The following CCDC7 variants were observed in gnomAD, a reference collection of about 807,000 sequenced individuals.
CCDC7 encodes coiled-coil domain containing 7, also known as coiled-coil domain-containing protein 7.
Under a neutral mutation model 196.9 loss-of-function variants are expected in CCDC7, and 183 were observed. The ratio of observed to expected loss-of-function variants is 0.93; its 90% CI spans 0.82 to 1.05. The LOEUF is 1.05. Among genes scored for constraint, CCDC7 ranks in the 50% least tolerant of loss-of-function variants. The pLI, the probability that CCDC7 is intolerant of heterozygous loss-of-function variation, is 0.00. For missense variants in CCDC7, 1,540 were observed against 1,482.2 expected (o/e 1.04, Z -0.64); for synonymous variants, 525 against 484.6 (o/e 1.08, Z -1.10).
intron 31 of CCDC7, among the ~76,000 whole-genome samples, chr10:32,822,529 T>A (rs2090432016): frequency 6.6e-6 from 1 of 152,072 alleles, no homozygotes; most frequent in Non-Finnish European, 1.5e-5. Flanking sequence ...AGGCATAAAG[T>A]TATACAAAGA....
At position 32,814,381 on chromosome 10, in the gene CCDC7, G is replaced by C. The variant is rs753643900; in HGVS notation, c.3109G>C (p.Glu1037Gln). Reference sequence around the variant, plus strand: ...GTTTATTTCTATAGGGCCTGATATAGAACAATTGACAGATGCATTTGGAAG... The same window carrying C: ...GTTTATTTCTATAGGGCCTGATATACAACAATTGACAGATGCATTTGGAAG... The change falls in exon 31 of 42, where the codon GAA becomes CAA. Residue 1037 changes from glutamate to glutamine, a missense_variant. Coordinates refer to ENST00000639629, the Ensembl canonical transcript of CCDC7. 7.5e-6 allele frequency: 12 copies of C among 1,606,990 alleles called. No individual in the cohort carries two copies. In the African/African-American group the frequency reaches 1.3e-4, roughly 18 times the overall value.
chr10:32,585,836 C>A (rs1199826634), intron 18 of CCDC7, among the ~76,000 whole-genome samples: 1 of 152,158 alleles, frequency 6.6e-6, no homozygotes, highest in East Asian at 1.9e-4. Context: ...AGTAAACATA[C>A]ATGTGCATGT....
chr10:32,519,395 G>A (rs1473636123), intron 11 of CCDC7, among the ~76,000 whole-genome samples: 1 of 152,130 alleles, frequency 6.6e-6, no homozygotes, highest in East Asian at 1.9e-4. Flanking sequence ...TGTTGCAGCA[G>A]TTTCTGGTTT....
chr10:32,452,943 A>C (rs1415548516), intron 1 of CCDC7, among the ~76,000 whole-genome samples: 1 of 152,228 alleles, frequency 6.6e-6, no homozygotes, highest in Non-Finnish European at 1.5e-5. Context: ...GTTAGGCCAG[A>C]TAATTTTCTT....
chr10:32,543,489 T>C, intron 12 of CCDC7, 104 bp downstream of exon 13: 3 of 1,065,710 alleles, frequency 2.8e-6, no homozygotes, highest in Non-Finnish European at 3.7e-6. Context: ...TGAATAATCT[T>C]TTAAAAACAT....
chr10:32,761,906 G>A (rs1295180619), intron 28 of CCDC7, among the ~76,000 whole-genome samples: 4 of 151,950 alleles, frequency 2.6e-5, no homozygotes, highest in African/African-American at 9.7e-5. Context: ...TGGTGGAATA[G>A]GAGGTTCCTT....
At chr10:32,509,170 A>T (rs1326695299) in intron 9 of CCDC7, among the ~76,000 whole-genome samples, 1 of 152,144 alleles carries the variant, frequency 6.6e-6, no homozygotes, top group African/African-American at 2.4e-5. Flanking sequence ...TTTTAAAGCT[A>T]CAGTAATTAA....
intron 8 of CCDC7, among the ~76,000 whole-genome samples, chr10:32,488,863 T>A (rs1447177360): frequency 6.6e-6 from 1 of 152,170 alleles, no homozygotes; most frequent in East Asian, 1.9e-4. Flanking sequence ...TCTTCACCTA[T>A]GGGTGGTTGT....
intron 16 of CCDC7, among the ~76,000 whole-genome samples, chr10:32,573,676 G>C (rs1416011617): frequency 6.6e-6 from 1 of 152,086 alleles, no homozygotes; most frequent in Non-Finnish European, 1.5e-5. Context: ...AGTACATCAA[G>C]ATTAAAAAAA....
chr10:32,764,712 G>T (rs2078001959), intron 28 of CCDC7, among the ~76,000 whole-genome samples: 1 of 152,022 alleles, frequency 6.6e-6, no homozygotes, highest in Non-Finnish European at 1.5e-5. Flanking sequence ...ACAACTGTGA[G>T]AAATGTGAAG....
At chr10:32,649,639 C>G (rs1324978094) in intron 20 of CCDC7, among the ~76,000 whole-genome samples, 1 of 152,210 alleles carries the variant, frequency 6.6e-6, no homozygotes, top group Non-Finnish European at 1.5e-5. Context: ...TCTCCTCTCT[C>G]AGGAATGCCA....
chr10:32,497,490 T>C (rs1468767265), intron 9 of CCDC7, among the ~76,000 whole-genome samples: 5 of 152,196 alleles, frequency 3.3e-5, no homozygotes, highest in African/African-American at 1.2e-4. Context: ...TGTTAGGGTG[T>C]TGGTTTTAGA....
At chr10:32,746,476 G>A (rs116957669) in intron 28 of CCDC7, among the ~76,000 whole-genome samples, 5,892 of 152,234 alleles carry the variant, frequency 0.039, 122 homozygotes, top group Middle Eastern at 0.051. Flanking sequence ...CATGGCCAGC[G>A]ATGCCCATCC....
In CCDC7 at chr10:32,517,034, TG is replaced by T. The variant is rs2047130790; in HGVS notation, c.873-910del. ...AAAATAATCTATGGTCTATCCATAC[TG>T]TGGAACAATGTCACCAAACTGTGTC... On this transcript the variant is annotated intron_variant, in intron 9 of 41. Coordinates refer to ENST00000639629, the Ensembl canonical transcript of CCDC7. Among the ~76,000 whole-genome samples the T allele has an allele frequency of 1.3e-5, 2 of 152,222 alleles. 1 individual carries two copies. Among genetic ancestry groups the T allele is most frequent in the South Asian group, 4.1e-4 (2 of 4,836 alleles).
intron 29 of CCDC7, among the ~76,000 whole-genome samples, chr10:32,794,235 T>C (rs2083183694): frequency 6.6e-6 from 1 of 152,184 alleles, no homozygotes; most frequent in Admixed American, 6.5e-5. Context: ...TGCATCTATG[T>C]TGCTGCAAAG....
At chr10:32,445,972 A>G (rs2030812496), upstream of CCDC7, among the ~76,000 whole-genome samples, 3 of 152,208 alleles carry the variant, frequency 2.0e-5, no homozygotes, top group Admixed American at 2.0e-4. Flanking sequence ...AGAGAATAAG[A>G]AAGGAGGAGG....
At chr10:32,648,566 C>G (rs1334885512) in intron 20 of CCDC7, among the ~76,000 whole-genome samples, 1 of 152,158 alleles carries the variant, frequency 6.6e-6, no homozygotes, top group East Asian at 1.9e-4. Flanking sequence ...ATTTCTGCCT[C>G]TAGGTCTTTG....
intron 11 of CCDC7, among the ~76,000 whole-genome samples, chr10:32,526,568 A>G (rs190690224): frequency 6.6e-6 from 1 of 152,104 alleles, no homozygotes; most frequent in East Asian, 1.9e-4. Context: ...CCCACAGTGT[A>G]CTCTGTGCAT....
chr10:32,876,207 A>G (rs2094592906), intron 41 of CCDC7, 140 bp from the exon 43 acceptor site: 2 of 597,238 alleles, frequency 3.3e-6, no homozygotes, highest in African/African-American at 3.8e-5. Flanking sequence ...ATAGGTAGGT[A>G]GATTTATATA....
Sources: gnomAD v4.1 joint callset for allele counts (sites outside exome capture counted in the v4.1 genomes callset) on GRCh38, gnomAD v4.1.1 for gene constraint, MANE v1.5 for transcripts, NCBI Gene and HGNC (gene_info 2026-07-23, HGNC 2026-07-21) for gene names.